The following DAB1 variants were observed in gnomAD, a reference collection of about 807,000 sequenced individuals.
The protein encoded by DAB1 is disabled homolog 1.
DAB1 carries 15 observed loss-of-function variants against 64.6 expected under a neutral mutation model. That is an observed-to-expected ratio of 0.23 (90% CI 0.16 to 0.36). DAB1 has a LOEUF of 0.36. DAB1 is among the 10% of genes least tolerant of loss of function. The pLI, the probability that DAB1 is intolerant of heterozygous loss-of-function variation, is 1.00. For synonymous variants in DAB1, 235 were observed against 251.9 expected, an observed-to-expected ratio of 0.93 and a Z score of 0.64; for missense variants, 596 against 706.7, an observed-to-expected ratio of 0.84 and a Z score of 1.78.
At chr1:57,024,609 C>T (rs1646727084) in intron 10 of DAB1, among the ~76,000 whole-genome samples, 1 of 152,162 alleles carries the variant, frequency 6.6e-6, no homozygotes, top group Admixed American at 6.5e-5. Flanking sequence ...GGGTTCAGGG[C>T]CAGAAACACA....
intron 5 of DAB1, among the ~76,000 whole-genome samples, chr1:58,044,719 T>C (rs998917898): frequency 8.5e-5 from 13 of 152,284 alleles, no homozygotes; most frequent in African/African-American, 2.9e-4. Flanking sequence ...TCTTACCCTG[T>C]TTCAATATCT....
chr1:57,169,353 C>A (rs921006995), intron 2 of DAB1, among the ~76,000 whole-genome samples: 5 of 152,158 alleles, frequency 3.3e-5, no homozygotes, highest in African/African-American at 4.8e-5. Flanking sequence ...AGCATCACCT[C>A]ATTTATTTCT....
chr1:57,189,179 A>C (rs1369516878), intron 2 of DAB1, among the ~76,000 whole-genome samples: 1 of 152,122 alleles, frequency 6.6e-6, no homozygotes, highest in Non-Finnish European at 1.5e-5. Flanking sequence ...CCACCATAAT[A>C]ACTTAACGGC....
intron 7 of DAB1, among the ~76,000 whole-genome samples, chr1:57,508,097 TAC>T (rs1169865798): frequency 6.6e-6 from 1 of 152,192 alleles, no homozygotes; most frequent in Non-Finnish European, 1.5e-5. Flanking sequence ...ATCACTACAT[TAC>T]AGTCTGATCC....
At chr1:58,370,818 T>A (rs1164202773) in intron 3 of DAB1, among the ~76,000 whole-genome samples, 1 of 152,342 alleles carries the variant, frequency 6.6e-6, no homozygotes, top group South Asian at 2.1e-4. Context: ...TCTGCCATCA[T>A]GTAAGACATG....
intron 1 of DAB1, among the ~76,000 whole-genome samples, chr1:58,537,090 A>C: frequency 6.7e-6 from 1 of 149,542 alleles, no homozygotes; most frequent in Non-Finnish European, 1.5e-5. Flanking sequence ...CTCTCTGTAT[A>C]TATATATATA....
At chr1:57,104,370 A>T (rs1025389319) in intron 4 of DAB1, among the ~76,000 whole-genome samples, 2 of 152,138 alleles carry the variant, frequency 1.3e-5, no homozygotes, top group Admixed American at 1.3e-4. Context: ...TTCACCACAG[A>T]TAGTTTAAAA....
chr1:57,172,150 C>T (rs987440089), intron 2 of DAB1, among the ~76,000 whole-genome samples: 9 of 152,102 alleles, frequency 5.9e-5, no homozygotes, highest in Admixed American at 1.3e-4. Flanking sequence ...ATCTGTGTGT[C>T]CAAATTTCAC....
In DAB1 at chr1:58,534,097, A is replaced by T. The variant is rs769487968; in HGVS notation, n.33-6762T>A. The T allele has an allele frequency of 2.1e-4, 183 of 867,348 alleles. 4 individuals carry two copies. In the South Asian group the frequency reaches 2.4e-3, roughly 11 times the overall value. The allele number at this position is 867,348 out of a possible 1,614,324, so 53.7% of individuals were successfully genotyped here. On this transcript the variant is annotated intron_variant and non_coding_transcript_variant, in intron 1 of 20. Coordinates refer to the DAB1 transcript ENST00000485760. The stretch of plus-strand genomic sequence containing the variant: ...AGAAAATAATGTAAGCAATTAGAAC[A>T]TCATAAAAAATAAGGACAATAAATT...
At chr1:57,910,090 T>C (rs766422145) in intron 5 of DAB1, among the ~76,000 whole-genome samples, 2 of 152,172 alleles carry the variant, frequency 1.3e-5, no homozygotes, top group Non-Finnish European at 2.9e-5. Context: ...CGATCATTCA[T>C]CAGAGCTACA....
chr1:57,047,697 T>A (rs1648692893), intron 9 of DAB1, among the ~76,000 whole-genome samples: 1 of 152,202 alleles, frequency 6.6e-6, no homozygotes, highest in Non-Finnish European at 1.5e-5. Context: ...GGTATTTTGT[T>A]ATGGCAGCCC....
intron 5 of DAB1, among the ~76,000 whole-genome samples, chr1:57,922,672 C>T (rs975686446): frequency 1.3e-5 from 2 of 151,192 alleles, no homozygotes; most frequent in African/African-American, 4.9e-5. Flanking sequence ...AGTGAAACCC[C>T]GTCTCTACTA....
chr1:57,341,838 A>G (rs1222340341), intron 1 of DAB1, among the ~76,000 whole-genome samples: 1 of 152,204 alleles, frequency 6.6e-6, no homozygotes, highest in Non-Finnish European at 1.5e-5. Context: ...TGCTACGTGT[A>G]AGAACCTCCT....
chr1:58,166,463 T>C (rs1399373582), intron 4 of DAB1, among the ~76,000 whole-genome samples: 1 of 152,226 alleles, frequency 6.6e-6, no homozygotes, highest in Admixed American at 6.5e-5. Context: ...TTGAGGTTCA[T>C]CAACATTTCA....
At chr1:57,244,858 A>G (rs1356081994) in intron 2 of DAB1, among the ~76,000 whole-genome samples, 2 of 152,254 alleles carry the variant, frequency 1.3e-5, no homozygotes, top group Non-Finnish European at 2.9e-5. Context: ...AAACTAACGT[A>G]GCGTTCTGAT....
chr1:57,510,392 G>T (rs1273523957), intron 7 of DAB1, among the ~76,000 whole-genome samples: 1 of 152,034 alleles, frequency 6.6e-6, no homozygotes, highest in Non-Finnish European at 1.5e-5. Flanking sequence ...TTCTTGGCTG[G>T]CTCCTCCTCT....
chr1:57,450,216 C>G (rs1343782398), intron 7 of DAB1, among the ~76,000 whole-genome samples: 1 of 152,168 alleles, frequency 6.6e-6, no homozygotes, highest in African/African-American at 2.4e-5. Context: ...TAAATTCACA[C>G]TAAAGTGTAA....
intron 2 of DAB1, among the ~76,000 whole-genome samples, chr1:57,197,006 T>C (rs72917180): frequency 0.027 from 4,083 of 152,190 alleles, 89 homozygotes; most frequent in African/African-American, 0.061. Context: ...CCATCAAAAT[T>C]CCCACTTTAG....
intron 5 of DAB1, among the ~76,000 whole-genome samples, chr1:58,046,870 C>G (rs1422796582): frequency 6.6e-6 from 1 of 152,170 alleles, no homozygotes; most frequent in Non-Finnish European, 1.5e-5. Flanking sequence ...GGGATACCTA[C>G]AATTTCTGGG....
Sources: allele counts gnomAD v4.1 joint callset (sites outside exome capture counted in the v4.1 genomes callset), GRCh38; gene constraint gnomAD v4.1.1; transcripts MANE v1.5; gene names NCBI Gene and HGNC (gene_info 2026-07-23, HGNC 2026-07-21).